GRXCR2: variants seen among roughly 807,000 people sequenced by gnomAD.
GRXCR2 encodes the protein glutaredoxin domain-containing cysteine-rich protein 2.
GRXCR2 carries 23 observed loss-of-function variants against 24.8 expected under a neutral mutation model. That is an observed-to-expected ratio of 0.93 (90% CI 0.67 to 1.32). The LOEUF (loss-of-function observed/expected upper bound fraction) is 1.32. Among genes scored for constraint, GRXCR2 ranks in the 40% most tolerant of loss-of-function variants. The pLI is 0.00. For missense variants in GRXCR2, 315 were observed against 303.4 expected, an observed-to-expected ratio of 1.04 and a Z score of -0.28; for synonymous variants, 130 against 116.1, an observed-to-expected ratio of 1.12 and a Z score of -0.77.
intron 2 of GRXCR2, among the ~76,000 whole-genome samples, chr5:145,925,327 A>G (rs146987953): frequency 6.6e-6 from 1 of 152,316 alleles, no homozygotes; most frequent in Admixed American, 6.5e-5. Flanking sequence ...ATTAATATCT[A>G]TATCTTTTGA....
chr5:145,887,665 T>A (rs886904812), intron 2 of GRXCR2, among the ~76,000 whole-genome samples: 1 of 152,200 alleles, frequency 6.6e-6, no homozygotes, highest in Non-Finnish European at 1.5e-5. Context: ...TTTATTTTAT[T>A]TTATTAGTGG....
upstream of GRXCR2, among the ~76,000 whole-genome samples, chr5:145,874,448 T>C (rs894022164): frequency 2.6e-5 from 4 of 152,128 alleles, no homozygotes; most frequent in African/African-American, 7.2e-5. Context: ...GTGATCCGCC[T>C]GCCTTGACCT....
intron 2 of GRXCR2, among the ~76,000 whole-genome samples, chr5:145,927,857 C>T (rs1757422659): frequency 6.6e-6 from 1 of 152,112 alleles, no homozygotes; most frequent in African/African-American, 2.4e-5. Context: ...CACTTCATGT[C>T]TAAAACACCA....
chr5:145,895,771 G>C (rs1290363979), intron 2 of GRXCR2, among the ~76,000 whole-genome samples: 3 of 152,050 alleles, frequency 2.0e-5, no homozygotes, highest in South Asian at 2.1e-4. Flanking sequence ...CACAGAATTG[G>C]AAAAAACTAC....
chr5:145,877,683 G>A (rs1403765191), upstream of GRXCR2, among the ~76,000 whole-genome samples: 2 of 152,212 alleles, frequency 1.3e-5, no homozygotes, highest in Non-Finnish European at 2.9e-5. Flanking sequence ...TCAAACTGAG[G>A]TACCTGGTTC....
intron 2 of GRXCR2, 56 bp downstream of exon 2, chr5:145,866,445 G>T: frequency 7.9e-7 from 1 of 1,264,552 alleles, no homozygotes. Flanking sequence ...AAGCCAGCTT[G>T]GAGACCATTG....
downstream of GRXCR2, among the ~76,000 whole-genome samples, chr5:145,858,316 CA>C (rs139918161): frequency 0.27 from 33,034 of 121,094 alleles, 4,648 homozygotes; most frequent in East Asian, 0.46. Flanking sequence ...CTGTCTCCCA[CA>C]AAAAAAAAAA....
intron 2 of GRXCR2, among the ~76,000 whole-genome samples, chr5:145,893,822 G>C (rs1269874430): frequency 6.6e-6 from 1 of 152,152 alleles, no homozygotes; most frequent in Non-Finnish European, 1.5e-5. Flanking sequence ...CAAATCAAGA[G>C]AACATGCATT....
At chr5:145,913,433 C>T (rs1238379142) in intron 2 of GRXCR2, among the ~76,000 whole-genome samples, 10 of 152,040 alleles carry the variant, frequency 6.6e-5, no homozygotes, top group African/African-American at 1.2e-4. Flanking sequence ...CTCAAAAAAA[C>T]GGGGTGGGAA....
chr5:145,890,971 C>G (rs1316131479), intron 2 of GRXCR2, among the ~76,000 whole-genome samples: 1 of 152,112 alleles, frequency 6.6e-6, no homozygotes, highest in Admixed American at 6.6e-5. Context: ...GCAGGAGTCA[C>G]TATTCTTATA....
intron 2 of GRXCR2, among the ~76,000 whole-genome samples, chr5:145,891,481 A>T (rs184680119): frequency 6.6e-6 from 1 of 152,298 alleles, no homozygotes; most frequent in Non-Finnish European, 1.5e-5. Flanking sequence ...ACACCAGGAG[A>T]TTATATCCTG....
intron 2 of GRXCR2, among the ~76,000 whole-genome samples, chr5:145,930,122 T>C (rs926828186): frequency 2.6e-5 from 4 of 152,288 alleles, no homozygotes; most frequent in Non-Finnish European, 5.9e-5. Flanking sequence ...TCTTGCTTTG[T>C]CACCCAGGCT....
At chr5:145,866,467 G>T in intron 2 of GRXCR2, 34 bp downstream of exon 2, 1 of 1,518,510 alleles carries the variant, frequency 6.6e-7, no homozygotes, top group Non-Finnish European at 9.1e-7. Context: ...TGTAGGGCCA[G>T]CTCCGAGCAG....
intron 2 of GRXCR2, among the ~76,000 whole-genome samples, chr5:145,899,614 A>G (rs1756998259): frequency 6.6e-6 from 1 of 152,182 alleles, no homozygotes; most frequent in Non-Finnish European, 1.5e-5. Context: ...GCACGTCTAC[A>G]GCCATCTAAT....
intron 2 of GRXCR2, among the ~76,000 whole-genome samples, chr5:145,916,286 G>A (rs532296606): frequency 7.0e-4 from 106 of 152,294 alleles, no homozygotes; most frequent in African/African-American, 2.5e-3. Flanking sequence ...CATTAGATGA[G>A]GAATAAAAAA....
At chr5:145,887,665 T>C (rs886904812) in intron 2 of GRXCR2, among the ~76,000 whole-genome samples, 2 of 152,200 alleles carry the variant, frequency 1.3e-5, no homozygotes, top group Non-Finnish European at 2.9e-5. Flanking sequence ...TTTATTTTAT[T>C]TTATTAGTGG....
intron 2 of GRXCR2, among the ~76,000 whole-genome samples, chr5:145,928,288 C>T (rs1757429550): frequency 6.6e-6 from 1 of 152,138 alleles, no homozygotes; most frequent in African/African-American, 2.4e-5. Flanking sequence ...AATAGGAACA[C>T]TTTTACACTG....
chr5:145,926,459 T>A (rs1047838303), intron 2 of GRXCR2, among the ~76,000 whole-genome samples: 16 of 152,220 alleles, frequency 1.1e-4, no homozygotes, highest in African/African-American at 3.9e-4. Flanking sequence ...TAGCCAGTTT[T>A]CCCAGTACCA....
In GRXCR2 at chr5:145,859,931, T is replaced by G. The variant is rs576894412; in HGVS notation, c.565-16A>C. ...TATCCCCTTCCTGCAAGAGACAGGT[T>G]AGGGTTTAGTTAAAGCAGCAGTTCA... On this transcript the variant is annotated splice_polypyrimidine_tract_variant and intron_variant, in intron 2 of 2. Transcript: ENST00000377976. 2.3e-5 allele frequency: 36 copies of G among 1,545,352 alleles called. No individual in the cohort carries two copies. The highest frequency in any genetic ancestry group is 1.9e-4 in the Middle Eastern group (1 of 5,270).
Sources: gnomAD v4.1 joint callset for allele counts (sites outside exome capture counted in the v4.1 genomes callset) on GRCh38, gnomAD v4.1.1 for gene constraint, MANE v1.5 for transcripts, NCBI Gene and HGNC (gene_info 2026-07-23, HGNC 2026-07-21) for gene names.